Variants in EYA1 observed in about 807,000 individuals in gnomAD.
EYA1 encodes the protein EYA transcriptional coactivator and phosphatase 1.
In EYA1, 16 loss-of-function variants were observed where a neutral mutation model predicts 82.0. The observed-to-expected ratio is 0.20, with a 90% CI of 0.13 to 0.30. EYA1 has a LOEUF of 0.30. Among genes scored for constraint, EYA1 ranks in the 10% least tolerant of loss-of-function variants. The pLI is 1.00. For missense variants in EYA1, 633 were observed against 730.7 expected (o/e 0.87, Z 1.54); for synonymous variants, 261 against 264.4 (o/e 0.99, Z 0.12).
chr8:71,543,184 TC>T (rs1815288626), intron 1 of EYA1, among the ~76,000 whole-genome samples: 1 of 152,150 alleles, frequency 6.6e-6, no homozygotes, highest in African/African-American at 2.4e-5. Flanking sequence ...TTTACATTTA[TC>T]CTTTACTTTT....
At chr8:71,457,229 T>C (rs557238733) in intron 2 of EYA1, among the ~76,000 whole-genome samples, 2 of 152,258 alleles carry the variant, frequency 1.3e-5, no homozygotes, top group South Asian at 4.2e-4. Flanking sequence ...TCACACCGTC[T>C]AGAATGGTGA....
At chr8:71,402,168 A>G (rs1829993055) in intron 2 of EYA1, among the ~76,000 whole-genome samples, 2 of 152,202 alleles carry the variant, frequency 1.3e-5, no homozygotes. Flanking sequence ...CCAAATGGGC[A>G]GGTTTCTACT....
chr8:71,205,092 T>G (rs1365846233), intron 17 of EYA1, among the ~76,000 whole-genome samples: 1 of 152,196 alleles, frequency 6.6e-6, no homozygotes, highest in African/African-American at 2.4e-5. Context: ...AAATTGGGCA[T>G]TATTAATCAG....
intron 2 of EYA1, among the ~76,000 whole-genome samples, chr8:71,383,213 G>T (rs938856221): frequency 2.0e-5 from 3 of 151,844 alleles, no homozygotes; most frequent in African/African-American, 7.3e-5. Flanking sequence ...AATTCCAAAT[G>T]TTGGCAAAGT....
At chr8:71,287,627 A>G (rs1818531579) in intron 9 of EYA1, among the ~76,000 whole-genome samples, 1 of 152,208 alleles carries the variant, frequency 6.6e-6, no homozygotes, top group Admixed American at 6.5e-5. Flanking sequence ...ATTCTACATG[A>G]AAGAAACTGG....
chr8:71,507,977 G>C (rs1029319453), intron 2 of EYA1, among the ~76,000 whole-genome samples: 1 of 152,126 alleles, frequency 6.6e-6, no homozygotes, highest in Non-Finnish European at 1.5e-5. Flanking sequence ...CTTCATATGA[G>C]TCTCCACTAT....
intron 2 of EYA1, among the ~76,000 whole-genome samples, chr8:71,412,651 A>G (rs7818734): frequency 0.73 from 111,327 of 152,076 alleles, 41,784 homozygotes; most frequent in African/African-American, 0.86. Flanking sequence ...ATGGATACAT[A>G]GAAATTTAGT....
chr8:71,258,482 G>A (rs1307660553), intron 11 of EYA1, among the ~76,000 whole-genome samples: 3 of 152,154 alleles, frequency 2.0e-5, no homozygotes, highest in South Asian at 2.1e-4. Flanking sequence ...GAAGCCTAAC[G>A]TTCTGAGTAC....
intron 9 of EYA1, among the ~76,000 whole-genome samples, chr8:71,290,585 A>C (rs539874049): frequency 6.6e-6 from 1 of 152,164 alleles, no homozygotes; most frequent in African/African-American, 2.4e-5. Context: ...GCATCCTGAC[A>C]TATGGCTAAG....
At chr8:71,203,313 G>A (rs1046803853) in intron 17 of EYA1, among the ~76,000 whole-genome samples, 1 of 152,164 alleles carries the variant, frequency 6.6e-6, no homozygotes, top group South Asian at 2.1e-4. Context: ...CAGTAGATAC[G>A]TAATACACAA....
At chr8:71,243,043 G>T (rs866633878) in intron 12 of EYA1, among the ~76,000 whole-genome samples, 1 of 152,160 alleles carries the variant, frequency 6.6e-6, no homozygotes, top group Middle Eastern at 3.4e-3. Flanking sequence ...CTCCCAAAGC[G>T]CTGGGATTAC....
At chr8:71,225,972 TA>T (rs1353270283) in intron 12 of EYA1, among the ~76,000 whole-genome samples, 1 of 152,166 alleles carries the variant, frequency 6.6e-6, no homozygotes, top group African/African-American at 2.4e-5. Flanking sequence ...TCAACAAAGG[TA>T]AGGTATTAGC....
chr8:71,286,746 A>T (rs553615286), intron 9 of EYA1, among the ~76,000 whole-genome samples: 15 of 152,208 alleles, frequency 9.9e-5, no homozygotes, highest in Non-Finnish European at 1.6e-4. Context: ...TGGGTCATCA[A>T]ACCTTCAAAG....
chr8:71,247,505 TTC>T lies in EYA1; in HGVS notation c.1051-2815_1051-2814del, dbSNP rs531819722. On this transcript the variant is annotated intron_variant, in intron 11 of 17. Transcript: ENST00000340726. The stretch of plus-strand genomic sequence containing the variant: ...TGCTGGGAGGGACAAAGGAAAACGA[TTC>T]CCTCAAATTTTGTGTATGATGATTC... Among the ~76,000 whole-genome samples, 59 of 152,268 alleles carry T rather than the reference TTC, an allele frequency of 3.9e-4. No individual in the cohort carries two copies. The South Asian group carries it at 4.1e-3, about 11-fold the overall frequency.
chr8:71,396,077 G>A (rs185027275), intron 2 of EYA1, among the ~76,000 whole-genome samples: 39 of 152,214 alleles, frequency 2.6e-4, no homozygotes, highest in East Asian at 1.2e-3. Context: ...GTTTATTTGC[G>A]TAGAGGTGCT....
Position 71,448,371 on chromosome 8 carries a change from T to C in EYA1, c.33+87373A>G, listed in dbSNP as rs192241985. ...TCTTGGCTCATCCATAAGAAGCAAC[T>C]CCTCATCTGTTCAAATTTTATCGTA... On this transcript the variant is annotated intron_variant, in intron 2 of 18. Coordinates refer to the EYA1 transcript ENST00000643681. 9.7e-4 allele frequency among the ~76,000 whole-genome samples: 148 copies of C among 152,260 alleles called. 1 individual carries two copies. Among genetic ancestry groups the C allele is most frequent in the African/African-American group, 3.5e-3 (145 of 41,558 alleles).
intron 11 of EYA1, among the ~76,000 whole-genome samples, chr8:71,256,172 T>C (rs916552138): frequency 1.3e-5 from 2 of 152,146 alleles, no homozygotes; most frequent in African/African-American, 2.4e-5. Flanking sequence ...AAATTAAGTA[T>C]ATAATTACTA....
In EYA1 at chr8:71,317,645, A is replaced by C. The variant is rs13255076; in HGVS notation, c.463T>G (p.Ser155Ala). The change falls in exon 7 of 18, where the codon TCT becomes GCT. Residue 155 changes from serine to alanine, a missense_variant. By Grantham distance (99) the Ser-to-Ala change is moderately conservative (BLOSUM62 1). Coordinates refer to ENST00000340726, the MANE Select transcript of EYA1 (RefSeq NM_000503.6). ...GIKTEGGLSQSQSPGQTGFLS... is the reference protein window; with the variant it reads ...GIKTEGGLSQAQSPGQTGFLS... The stretch of plus-strand genomic sequence containing the variant: ...AATCCTGTCTGTCCAGGTGACTGAG[A>C]CTGTGACAATCCACCTTCAGTCTTG... The C allele has an allele frequency of 6.2e-7, 1 of 1,614,094 alleles. No individual in the cohort carries two copies. Among genetic ancestry groups the C allele is most frequent in the South Asian group, 1.1e-5 (1 of 91,082 alleles).
At chr8:71,292,445 TTTGA>T (rs1246012923) in intron 9 of EYA1, among the ~76,000 whole-genome samples, 69 of 152,234 alleles carry the variant, frequency 4.5e-4, no homozygotes, top group Middle Eastern at 3.4e-3. Context: ...TCTTACAGTC[TTTGA>T]TTGAACAAGG....
Sources: gnomAD v4.1 joint callset for allele counts (sites outside exome capture counted in the v4.1 genomes callset) on GRCh38, gnomAD v4.1.1 for gene constraint, MANE v1.5 for transcripts, NCBI Gene and HGNC (gene_info 2026-07-23, HGNC 2026-07-21) for gene names.